APBB2: variants seen among roughly 807,000 people sequenced by gnomAD.
APBB2 encodes Fe65-like 1.
APBB2 carries 38 observed loss-of-function variants against 82.5 expected under a neutral mutation model. The ratio of observed to expected loss-of-function variants is 0.46; its 90% confidence interval spans 0.36 to 0.60. The LOEUF is 0.60. Ranked by LOEUF, APBB2 falls within the 20% of genes least tolerant of loss-of-function variation. The pLI is 0.00. For missense variants in APBB2, 772 were observed against 972.3 expected, an observed-to-expected ratio of 0.79 and a Z score of 2.74; for synonymous variants, 341 against 368.2, an observed-to-expected ratio of 0.93 and a Z score of 0.85.
At chr4:41,143,487 TG>T (rs1398564428) in intron 1 of APBB2, among the ~76,000 whole-genome samples, 8 of 152,256 alleles carry the variant, frequency 5.3e-5, no homozygotes, top group Non-Finnish European at 2.9e-5. Context: ...AGGAATGTTC[TG>T]GCAGGGCTCA....
intron 12 of APBB2, among the ~76,000 whole-genome samples, chr4:40,838,028 G>A (rs1754552064): frequency 1.3e-5 from 2 of 151,678 alleles, no homozygotes; most frequent in Admixed American, 1.3e-4. Context: ...AAAATATAAA[G>A]GACCAAAGAT....
chr4:40,976,647 A>G (rs1797237352), intron 6 of APBB2, among the ~76,000 whole-genome samples: 3 of 152,170 alleles, frequency 2.0e-5, no homozygotes, highest in Admixed American at 2.0e-4. Context: ...TGAACTTCCT[A>G]TGTGAGGGTC....
At chr4:41,034,624 C>CA (rs1272802050) in intron 4 of APBB2, among the ~76,000 whole-genome samples, 1 of 152,044 alleles carries the variant, frequency 6.6e-6, no homozygotes, top group Non-Finnish European at 1.5e-5. Flanking sequence ...GACACCTGGC[C>CA]AAAAAGGGTT....
chr4:41,069,278 G>A (rs575935164), intron 3 of APBB2, among the ~76,000 whole-genome samples: 1 of 152,312 alleles, frequency 6.6e-6, no homozygotes, highest in South Asian at 2.1e-4. Flanking sequence ...CAGTAGTTAT[G>A]CCATCCCACT....
chr4:41,154,025 C>A (rs917870921), intron 1 of APBB2, among the ~76,000 whole-genome samples: 10 of 152,154 alleles, frequency 6.6e-5, no homozygotes, highest in African/African-American at 1.7e-4. Flanking sequence ...CCATAAATTA[C>A]TGAGATTTAA....
chr4:41,155,452 T>C (rs1359943509), intron 1 of APBB2, among the ~76,000 whole-genome samples: 2 of 152,242 alleles, frequency 1.3e-5, no homozygotes, highest in African/African-American at 4.8e-5. Context: ...CAACTGATTA[T>C]AATGCTGATG....
At chr4:41,029,738 A>G (rs2038288081) in intron 5 of APBB2, among the ~76,000 whole-genome samples, 1 of 152,242 alleles carries the variant, frequency 6.6e-6, no homozygotes, top group Non-Finnish European at 1.5e-5. Context: ...TTATTTTCTA[A>G]AAAAGAAAAT....
At chr4:40,986,572 G>A (rs1800467555) in intron 6 of APBB2, among the ~76,000 whole-genome samples, 1 of 152,184 alleles carries the variant, frequency 6.6e-6, no homozygotes, top group South Asian at 2.1e-4. Context: ...TGGATGAGCT[G>A]GGAACGAGGC....
intron 2 of APBB2, among the ~76,000 whole-genome samples, chr4:41,109,821 T>C (rs2153979667): frequency 6.6e-6 from 1 of 152,300 alleles, no homozygotes; most frequent in Middle Eastern, 3.4e-3. Flanking sequence ...ATCCCTATTT[T>C]ACAGAAGAAT....
intron 2 of APBB2, among the ~76,000 whole-genome samples, chr4:41,136,961 T>C (rs924594976): frequency 2.6e-5 from 4 of 152,330 alleles, no homozygotes; most frequent in African/African-American, 7.2e-5. Flanking sequence ...ACTAAAGATA[T>C]ATATATTTTG....
At chr4:40,942,448 C>T (rs1270503743) in intron 7 of APBB2, among the ~76,000 whole-genome samples, 3 of 151,982 alleles carry the variant, frequency 2.0e-5, no homozygotes, top group Non-Finnish European at 4.4e-5. Flanking sequence ...GAACTGGATA[C>T]ATCCCACCCT....
intron 1 of APBB2, among the ~76,000 whole-genome samples, chr4:41,162,831 C>T (rs1580528661): frequency 6.6e-6 from 1 of 152,238 alleles, no homozygotes; most frequent in East Asian, 1.9e-4. Flanking sequence ...TTCACTCTAG[C>T]CTGGGCAACA....
intron 3 of APBB2, among the ~76,000 whole-genome samples, chr4:41,080,607 T>C (rs1737236577): frequency 1.3e-5 from 2 of 152,158 alleles, no homozygotes; most frequent in Non-Finnish European, 2.9e-5. Flanking sequence ...CATAAAGACT[T>C]GTCAAGAGAT....
chr4:41,137,917 A>C (rs1482199106), intron 2 of APBB2: 1 of 152,230 alleles, frequency 6.6e-6, no homozygotes, highest in Non-Finnish European at 1.5e-5. Context: ...AAAGTTTTAG[A>C]AAGAGCCTGG....
intron 1 of APBB2, among the ~76,000 whole-genome samples, chr4:41,192,954 C>T (rs756972700): frequency 2.0e-5 from 3 of 152,144 alleles, no homozygotes; most frequent in African/African-American, 4.8e-5. Flanking sequence ...CCAAGTCACT[C>T]GCCAAGTGGG....
intron 2 of APBB2, among the ~76,000 whole-genome samples, chr4:41,121,090 GA>G (rs1752669475): frequency 6.6e-6 from 1 of 152,154 alleles, no homozygotes; most frequent in Non-Finnish European, 1.5e-5. Flanking sequence ...GGTGGAAAAC[GA>G]AAACTGTTTG....
intron 2 of APBB2, among the ~76,000 whole-genome samples, chr4:41,123,640 T>C (rs897796996): frequency 1.3e-5 from 2 of 152,078 alleles, no homozygotes; most frequent in South Asian, 4.2e-4. Context: ...CTGGTCAACA[T>C]GGTGAAACTC....
intron 1 of APBB2, among the ~76,000 whole-genome samples, chr4:41,158,007 A>C (rs1312834142): frequency 2.0e-5 from 3 of 152,138 alleles, no homozygotes; most frequent in African/African-American, 7.2e-5. Flanking sequence ...CCAAACAGTC[A>C]AACAAACAAA....
chr4:40,984,854 T>A (rs906017020), intron 6 of APBB2, among the ~76,000 whole-genome samples: 11 of 152,216 alleles, frequency 7.2e-5, no homozygotes, highest in Non-Finnish European at 1.6e-4. Flanking sequence ...GATATTTTTT[T>A]AAATCACACC....
Sources: allele counts gnomAD v4.1 joint callset (sites outside exome capture counted in the v4.1 genomes callset), GRCh38; gene constraint gnomAD v4.1.1; transcripts MANE v1.5; gene names NCBI Gene and HGNC (gene_info 2026-07-23, HGNC 2026-07-21).